The following IZUMO3 variants were observed in gnomAD, a reference collection of about 807,000 sequenced individuals.
IZUMO3 encodes izumo sperm-egg fusion protein 3.
A neutral mutation model predicts 28.4 loss-of-function variants in IZUMO3; 36 were observed. That is an observed-to-expected ratio of 1.27 (90% CI 0.97 to 1.67). The LOEUF (loss-of-function observed/expected upper bound fraction) is 1.67, where lower values mean the gene tolerates loss of function less well. Among genes scored for constraint, IZUMO3 ranks in the 40% most tolerant of loss-of-function variants. IZUMO3 has a pLI of 0.00. For synonymous variants in IZUMO3, 126 were observed against 99.2 expected (o/e 1.27, Z -1.61); for missense variants, 387 against 278.5 (o/e 1.39, Z -2.77).
Position 24,545,617 on chromosome 9 carries a change from G to A in IZUMO3, c.33C>T (p.Pro11=), listed in dbSNP as rs1283668796. 6.5e-7 allele frequency: 1 copy of A among 1,535,162 alleles called. No individual in the cohort carries two copies. Among genetic ancestry groups the A allele is most frequent in the African/African-American group, 1.4e-5 (1 of 72,978 alleles). The change falls in exon 1 of 7, where the codon CCC becomes CCT. Residue 11 remains proline, a synonymous_variant. Transcript: ENST00000543880. MGDLWLFLLL[P]LSAFHGVKGC... ...CTTTGACTCCATGGAAGGCTGAGAG[G>A]GGCAGGAGCAGGAATAACCACAGGT...
intron 5 of IZUMO3, 101 bp downstream of exon 5, chr9:24,544,100 G>T: frequency 1.2e-6 from 1 of 813,078 alleles, no homozygotes; most frequent in South Asian, 1.5e-5. Context: ...CTCCATTAAA[G>T]GTCATGTAGT....
intron 6 of IZUMO3, 44 bp from the exon 7 acceptor site, chr9:24,543,411 CCCCATTCTTTAAG>C (rs1819497622): frequency 1.8e-6 from 2 of 1,132,926 alleles, no homozygotes; most frequent in South Asian, 3.1e-5. Context: ...ATATCAGTAG[CCCCATTCTTTAAG>C]CCAGTTATAC....
chr9:24,543,397 T>C (rs942968734), intron 6 of IZUMO3, 30 bp from the exon 7 acceptor site: 5 of 1,340,656 alleles, frequency 3.7e-6, no homozygotes, highest in Non-Finnish European at 5.0e-6. Flanking sequence ...TAATTCCAAC[T>C]TCAATATCAG....
In IZUMO3 at chr9:24,543,671, C is replaced by CAGCA; in HGVS notation, c.570_573dup (p.Val192CysfsTer31). ...TGGAGAGAAGAAACTCACAGTAACA[C>CAGCA]AGCACTTCCCAGTATTACAGCTGTT... On this transcript the variant is annotated frameshift_variant, in exon 6 of 7. Transcript: ENST00000543880. LOFTEE classifies it low-confidence loss of function (END_TRUNC). 2 of 1,544,324 alleles carry CAGCA rather than the reference C, an allele frequency of 1.3e-6. No homozygotes were observed. The highest frequency in any genetic ancestry group is 1.8e-6 in the Non-Finnish European group (2 of 1,141,628).
intron 5 of IZUMO3, 148 bp downstream of exon 5, chr9:24,544,053 C>G (rs1332927062): frequency 4.6e-6 from 3 of 648,454 alleles, no homozygotes; most frequent in Non-Finnish European, 8.1e-6. Context: ...AAAATTTCAC[C>G]CAACACCCTA....
chr9:24,544,264 T>C lies in IZUMO3; in HGVS notation c.427A>G (p.Ile143Val). Residue 143 changes from isoleucine (I) to valine (V), a missense_variant, in exon 5 of 7, where the codon ATT becomes GTT. Coordinates refer to ENST00000543880, the MANE Select transcript of IZUMO3 (RefSeq NM_001365008.2). ...SEDCIVVEGPILDCWTCLRMT... is the reference protein window; with the variant it reads ...SEDCIVVEGPVLDCWTCLRMT... Reference sequence around the variant, plus strand: ...CGAAGACACGTCCAACAATCAAGAATGGGACCTTCAACCACAACTGATAAA... The same window carrying C: ...CGAAGACACGTCCAACAATCAAGAACGGGACCTTCAACCACAACTGATAAA... The C allele has an allele frequency of 1.3e-6, 2 of 1,550,020 alleles. No homozygotes were observed. The highest frequency in any genetic ancestry group is 2.4e-5 in the East Asian group (1 of 40,888).
At chr9:24,544,548 C>G (rs1190452100) in intron 4 of IZUMO3, among the ~76,000 whole-genome samples, 195 bp downstream of exon 4, 1 of 152,030 alleles carries the variant, frequency 6.6e-6, no homozygotes, top group African/African-American at 2.4e-5. Context: ...CTCCTAGTAC[C>G]TCAAAAATAT....
chr9:24,543,238 G>C lies in IZUMO3; in HGVS notation c.711C>G (p.Leu237=). The change falls in exon 7 of 7, where the codon CTC becomes CTG. Residue 237 remains leucine, a synonymous_variant. Coordinates refer to ENST00000543880, the MANE Select transcript of IZUMO3 (RefSeq NM_001365008.2). ...GTCCATGTTGATGTGTTTATTTTCT[G>C]AGTCTAAAGTCTTTCTCCTCCTTCT... ...IDEKEEKDFR[L]RK 6.5e-7 allele frequency: 1 copy of C among 1,542,216 alleles called. No individual in the cohort carries two copies. The highest frequency in any genetic ancestry group is 8.7e-7 in the Non-Finnish European group (1 of 1,143,038).
rs1239308465 is a variant in IZUMO3 at position 24,545,616 on chromosome 9, G to A, written c.34C>T (p.Leu12Phe). 2 of 1,535,340 alleles carry A rather than the reference G, an allele frequency of 1.3e-6. No homozygotes were observed. The highest frequency in any genetic ancestry group is 2.4e-5 in the South Asian group (2 of 84,050). ...GDLWLFLLLP[L>F]SAFHGVKGCL... is the part of the protein sequence containing the mutation. ...CCTTTGACTCCATGGAAGGCTGAGA[G>A]GGGCAGGAGCAGGAATAACCACAGG... The change falls in exon 1 of 7, where the codon CTC becomes TTC. Residue 12 changes from leucine to phenylalanine, a missense_variant. Transcript: ENST00000543880.
At chr9:24,543,438 G>GT (rs33972842) in intron 6 of IZUMO3, 71 bp from the exon 7 acceptor site, 1,234 of 37,736 alleles carry the variant, frequency 0.033, 360 homozygotes, top group East Asian at 0.043. Context: ...GTTATACATT[G>GT]TTTTTTTTTT....
chr9:24,545,088 A>G (rs1369195514), intron 2 of IZUMO3, 27 bp from the exon 3 acceptor site: 1 of 1,498,984 alleles, frequency 6.7e-7, no homozygotes, highest in African/African-American at 1.4e-5. Flanking sequence ...GGGGTGTCAA[A>G]AAATAGAAGT....
chr9:24,544,356 G>C, intron 4 of IZUMO3, 75 bp from the exon 5 acceptor site: 4 of 1,036,628 alleles, frequency 3.9e-6, no homozygotes, highest in Non-Finnish European at 5.9e-6. Context: ...ATCAAGTGTG[G>C]AGGATTTGAT....
At position 24,544,196 on chromosome 9, in the gene IZUMO3, G is replaced by C. The variant is rs1325927028; in HGVS notation, c.490+5C>G. ...TTCAAAATTCCATACCATGATCTTT[G>C]TTACCTCCACAATATTCTCCTTTGA... is the stretch of plus-strand genomic sequence containing the variant. On this transcript the variant is annotated splice_donor_5th_base_variant and intron_variant, in intron 5 of 6. Coordinates refer to ENST00000543880, the MANE Select transcript of IZUMO3 (RefSeq NM_001365008.2). 1.3e-6 allele frequency: 2 copies of C among 1,541,396 alleles called. No homozygotes were observed. The highest frequency in any genetic ancestry group is 3.9e-5 in the Admixed American group (2 of 50,974).
chr9:24,544,695 G>A (rs1420794535), intron 4 of IZUMO3, 48 bp downstream of exon 4: 3 of 1,520,128 alleles, frequency 2.0e-6, no homozygotes, highest in East Asian at 4.9e-5. Flanking sequence ...CAAAGGAGAT[G>A]GGAAAATATG....
rs1297972776 is a variant in IZUMO3, at chr9:24,545,520, C to G, written c.130G>C (p.Val44Leu). Residue 44 changes from valine (V) to leucine (L), a missense_variant, in exon 1 of 7, where the codon GTC becomes CTC. Val to Leu is a conservative substitution (Grantham distance 32). Transcript: ENST00000543880. ...TCAAGCAGCTGAGTTCGGCCGGGGA[C>G]TTCTGAAGGTATCAGATTTCCCAGC... ...SLLGNLIPSE[V>L]PGRTQLLERQ... 17 of 1,535,246 alleles carry G rather than the reference C, an allele frequency of 1.1e-5. No individual in the cohort carries two copies. Among genetic ancestry groups the G allele is most frequent in the Non-Finnish European group, 1.4e-5 (16 of 1,146,700 alleles).
In IZUMO3 at chr9:24,545,687, C is replaced by T. The variant is rs964536630; in HGVS notation, c.-38G>A. 2.3e-5 allele frequency: 36 copies of T among 1,534,830 alleles called. No homozygotes were observed. The highest frequency in any genetic ancestry group is 2.8e-5 in the Non-Finnish European group (32 of 1,146,298). On this transcript the variant is annotated 5_prime_UTR_variant, in exon 1 of 7. Transcript: ENST00000543880. ...CCCCGCTCCCCGACAGCAGGTTGTCCTGGCAACTAGTTCACTTAGTTCCTT... is the reference window on the plus strand; with the variant it reads ...CCCCGCTCCCCGACAGCAGGTTGTCTTGGCAACTAGTTCACTTAGTTCCTT...
At chr9:24,543,850 T>G (rs1055232758) in intron 5 of IZUMO3, 96 bp from the exon 6 acceptor site, 5 of 807,092 alleles carry the variant, frequency 6.2e-6, no homozygotes, top group Non-Finnish European at 1.0e-5. Context: ...TAACCTCAGT[T>G]TGCCCTGTTT....
chr9:24,543,370 A>G lies in IZUMO3; in HGVS notation c.582-3T>C, dbSNP rs569997867. ...GATGAAAGATGCAAAAATGGAATCT[A>G]GAGTAGGAAAAGAAAATAATTCCAA... On this transcript the variant is annotated splice_polypyrimidine_tract_variant and splice_region_variant and intron_variant, in intron 6 of 6. Transcript: ENST00000543880. The G allele has an allele frequency of 2.2e-5, 33 of 1,500,920 alleles. No homozygotes were observed. In the African/African-American group the frequency reaches 3.9e-4, roughly 18 times the overall value. The allele number at this position is 1,500,920 out of a possible 1,614,324, so 93.0% of individuals were successfully genotyped here.
At position 24,543,104 on chromosome 9, in the gene IZUMO3, CTAAGT is replaced by C; in HGVS notation, c.*120_*124del. On this transcript the variant is annotated 3_prime_UTR_variant, in exon 7 of 7. Coordinates refer to ENST00000543880, the MANE Select transcript of IZUMO3 (RefSeq NM_001365008.2). ...AATAAGCATTTTCATTAGAGAAACT[CTAAGT>C]TCTATTTCAGTTTTAAAATACTATG... The C allele has an allele frequency of 1.3e-6, 1 of 743,646 alleles. No individual in the cohort carries two copies. Among genetic ancestry groups the C allele is most frequent in the Admixed American group, 3.7e-5 (1 of 26,974 alleles). 46.1% of individuals were successfully genotyped at this position (743,646 alleles called of 1,614,324 possible). A position where few individuals can be genotyped will look rare whatever the true frequency, so the allele number is the denominator to read the frequency against.
Sources: allele counts gnomAD v4.1 joint callset (sites outside exome capture counted in the v4.1 genomes callset), GRCh38; gene constraint gnomAD v4.1.1; transcripts MANE v1.5; gene names NCBI Gene and HGNC (gene_info 2026-07-23, HGNC 2026-07-21).